Variants in ELAPOR1 observed in about 807,000 individuals in gnomAD.
ELAPOR1 encodes endosome/lysosome-associated apoptosis and autophagy regulator 1.
ELAPOR1 carries 77 observed loss-of-function variants against 119.7 expected under a neutral mutation model. The observed-to-expected ratio is 0.64, with a 90% CI of 0.54 to 0.78. ELAPOR1 has a LOEUF of 0.78. Among genes scored for constraint, ELAPOR1 ranks in the 30% least tolerant of loss-of-function variants. The probability of loss-of-function intolerance (pLI) is 0.00; values close to 1 mark genes in which losing one functional copy is unlikely to be tolerated. For synonymous variants in ELAPOR1, 481 were observed against 487.2 expected, an observed-to-expected ratio of 0.99 and a Z score of 0.17; for missense variants, 1,115 against 1,270.4, an observed-to-expected ratio of 0.88 and a Z score of 1.86.
At chr1:109,143,410 A>T (rs1649957173) in intron 1 of ELAPOR1, among the ~76,000 whole-genome samples, 1 of 152,214 alleles carries the variant, frequency 6.6e-6, no homozygotes, top group Admixed American at 6.5e-5. Context: ...ATAGGTAAAT[A>T]CATAGAGTCA....
At chr1:109,147,063 G>C (rs1328058842) in intron 1 of ELAPOR1, among the ~76,000 whole-genome samples, 2 of 140,240 alleles carry the variant, frequency 1.4e-5, no homozygotes, top group African/African-American at 2.5e-5. Context: ...CTGCCACTAC[G>C]CCTGGCTAAT....
At chr1:109,116,702 G>A (rs1344358654) in intron 1 of ELAPOR1, among the ~76,000 whole-genome samples, 1 of 75,718 alleles carries the variant, frequency 1.3e-5, no homozygotes. Context: ...TTTTTTTTTT[G>A]GTGAGACAGA....
Position 109,172,472 on chromosome 1 carries a change from ACT to A in ELAPOR1, c.616-13_616-12del. 6.2e-7 allele frequency: 1 copy of A among 1,603,220 alleles called. No homozygotes were observed. The highest frequency in any genetic ancestry group is 1.3e-5 in the African/African-American group (1 of 74,684). On this transcript the variant is annotated splice_polypyrimidine_tract_variant and intron_variant, in intron 4 of 21. Transcript: ENST00000369939. ...TAGAAAGCTGAGACTCTGGTCCCAAACTCTTTTTATGTCAGGTTCAGAATGAC... is the reference window on the plus strand; with the variant it reads ...TAGAAAGCTGAGACTCTGGTCCCAAACTTTTTATGTCAGGTTCAGAATGAC...
rs765491186 is a variant in ELAPOR1 at position 109,199,878 on chromosome 1, T to C, written c.2526T>C (p.Asp842=). Residue 842 remains aspartate, a synonymous_variant, in exon 19 of 22, where the codon GAT becomes GAC. Coordinates refer to ENST00000369939, the MANE Select transcript of ELAPOR1 (RefSeq NM_020775.5). ...LPGTCSDGTC[D]GCNFHFLWES... The stretch of plus-strand genomic sequence containing the variant: ...GAACGTGCTCGGATGGGACCTGTGA[T>C]GGCTGCAACTTCCACTTCCTGTGGG... 5.4e-5 allele frequency: 87 copies of C among 1,613,168 alleles called. No individual in the cohort carries two copies. The highest frequency in any genetic ancestry group is 2.0e-5 in the Non-Finnish European group (24 of 1,180,038).
chr1:109,168,032 C>T (rs1239912704), intron 3 of ELAPOR1, among the ~76,000 whole-genome samples: 1 of 152,108 alleles, frequency 6.6e-6, no homozygotes, highest in Non-Finnish European at 1.5e-5. Flanking sequence ...TGCCCTGCCC[C>T]CTGCCCTCTG....
intron 1 of ELAPOR1, among the ~76,000 whole-genome samples, chr1:109,154,173 C>A (rs538995515): frequency 1.4e-5 from 2 of 147,848 alleles, no homozygotes; most frequent in South Asian, 4.4e-4. Context: ...CCCAGCTACT[C>A]GGGAGGTTGA....
chr1:109,156,977 G>C (rs890019531), intron 1 of ELAPOR1, among the ~76,000 whole-genome samples: 1 of 152,196 alleles, frequency 6.6e-6, no homozygotes, highest in Non-Finnish European at 1.5e-5. Context: ...TGGACACTGG[G>C]CAGGCACAAA....
chr1:109,128,040 A>C (rs902750409), intron 1 of ELAPOR1, among the ~76,000 whole-genome samples: 4 of 151,940 alleles, frequency 2.6e-5, no homozygotes, highest in Non-Finnish European at 5.9e-5. Context: ...CACCCAGCTA[A>C]GTTTTATATT....
intron 15 of ELAPOR1, 65 bp downstream of exon 15, chr1:109,194,659 A>T: frequency 6.7e-7 from 1 of 1,497,402 alleles, no homozygotes; most frequent in Non-Finnish European, 9.2e-7. Context: ...GAAGCCAGAG[A>T]CAGACACAGG....
chr1:109,138,975 G>A (rs549049114), intron 1 of ELAPOR1, among the ~76,000 whole-genome samples: 6 of 152,100 alleles, frequency 3.9e-5, no homozygotes, highest in South Asian at 2.1e-4. Flanking sequence ...AGAATGAAGC[G>A]TAAGTATCCC....
intron 7 of ELAPOR1, among the ~76,000 whole-genome samples, chr1:109,183,346 AAACAAAAAAAAGAGAGAG>A (rs1163174766): frequency 1.0e-4 from 6 of 59,976 alleles, no homozygotes; most frequent in East Asian, 9.7e-4. Context: ...AAAAAAAAAA[AAACAAAAAAAAGAGAGAG>A]AGAGAGAAAA....
At chr1:109,122,985 C>T (rs1558014890) in intron 1 of ELAPOR1, among the ~76,000 whole-genome samples, 1 of 152,168 alleles carries the variant, frequency 6.6e-6, no homozygotes, top group Non-Finnish European at 1.5e-5. Context: ...GTATAACAAT[C>T]CACCCTGAGG....
At chr1:109,159,935 C>T (rs17838318) in intron 1 of ELAPOR1, among the ~76,000 whole-genome samples, 2,453 of 152,218 alleles carry the variant, frequency 0.016, 58 homozygotes, top group African/African-American at 0.055. Context: ...TGCAGCAAAA[C>T]CCTTTTGAGA....
At chr1:109,146,664 GCAGGCACTGTAAC>G (rs1650197071) in intron 1 of ELAPOR1, among the ~76,000 whole-genome samples, 1 of 152,222 alleles carries the variant, frequency 6.6e-6, no homozygotes, top group Non-Finnish European at 1.5e-5. Flanking sequence ...AAATGCAAAA[GCAGGCACTGTAAC>G]CTTGTGATTG....
Position 109,188,245 on chromosome 1 carries a change from G to T in ELAPOR1, c.1110G>T (p.Leu370=). Residue 370 remains leucine (L), a synonymous_variant, in exon 9 of 22, where the codon CTG becomes CTT. Transcript: ENST00000369939. ...AGGACCTTGAGGGGGCAGTGAAGCT[G>T]CCTGCCTCTGGTGTGAAGACCCACT... ...CSEDLEGAVK[L]PASGVKTHCP... The T allele has an allele frequency of 8.7e-6, 14 of 1,614,180 alleles. No homozygotes were observed. Among genetic ancestry groups the T allele is most frequent in the African/African-American group, 1.3e-5 (1 of 75,060 alleles).
chr1:109,185,431 G>A (rs963458295), intron 8 of ELAPOR1, among the ~76,000 whole-genome samples: 2 of 112,218 alleles, frequency 1.8e-5, no homozygotes, highest in South Asian at 2.4e-4. Flanking sequence ...GAGCCACTCC[G>A]GCAGAGCCTG....
In ELAPOR1 at chr1:109,175,852, G is replaced by T. The variant is rs1355443971; in HGVS notation, c.952+2015G>T. On this transcript the variant is annotated intron_variant, in intron 7 of 21. Coordinates refer to ENST00000369939, the MANE Select transcript of ELAPOR1 (RefSeq NM_020775.5). ...AAAAAAAAAAAAAAAAAAAAAAAAA[G>T]ATTATAACATAAACAGTAGATACTG... Among the ~76,000 whole-genome samples, 61 of 115,844 alleles carry T rather than the reference G, an allele frequency of 5.3e-4. 1 individual carries two copies. Among genetic ancestry groups the T allele is most frequent in the Middle Eastern group, 0.01 (2 of 192 alleles). 76.0% of individuals were successfully genotyped at this position (115,844 alleles called of 152,430 possible). A position where few individuals can be genotyped will look rare whatever the true frequency, so the allele number is the denominator to read the frequency against.
At chr1:109,169,836 C>T (rs1651820812) in intron 3 of ELAPOR1, among the ~76,000 whole-genome samples, 1 of 152,182 alleles carries the variant, frequency 6.6e-6, no homozygotes, top group South Asian at 2.1e-4. Context: ...GGGAGGCTCA[C>T]ATACAGTTCT....
intron 12 of ELAPOR1, 63 bp from the exon 13 acceptor site, chr1:109,191,663 C>T: frequency 6.2e-7 from 1 of 1,600,184 alleles, no homozygotes; most frequent in Non-Finnish European, 8.5e-7. Flanking sequence ...GGATGGCAGC[C>T]ACATGGGCAC....
Sources: allele counts gnomAD v4.1 joint callset (sites outside exome capture counted in the v4.1 genomes callset), GRCh38; gene constraint gnomAD v4.1.1; transcripts MANE v1.5; gene names NCBI Gene and HGNC (gene_info 2026-07-23, HGNC 2026-07-21).